The following SP100 variants were observed in gnomAD, a reference collection of about 807,000 sequenced individuals.
The protein encoded by SP100 is SP100 nuclear body protein, also known as nuclear autoantigen Sp-100.
In SP100, 84 loss-of-function variants were observed where a neutral mutation model predicts 130.0. The observed-to-expected ratio is 0.65, with a 90% CI of 0.54 to 0.77. The LOEUF is 0.77. SP100 is among the 30% of genes least tolerant of loss of function. The probability of loss-of-function intolerance (pLI) is 0.00; values close to 1 mark genes in which losing one functional copy is unlikely to be tolerated. For missense variants in SP100, 978 were observed against 1,052.2 expected, an observed-to-expected ratio of 0.93 and a Z score of 0.97; for synonymous variants, 331 against 351.7, an observed-to-expected ratio of 0.94 and a Z score of 0.66.
chr2:230,509,039 T>TGA (rs1240581908), intron 23 of SP100: 1 of 152,356 alleles, frequency 6.6e-6, no homozygotes, highest in East Asian at 1.9e-4. Flanking sequence ...GTGAGGCTGC[T>TGA]GACCTAGAAA....
intron 5 of SP100, among the ~76,000 whole-genome samples, chr2:230,447,284 G>C (rs531295701): frequency 3.3e-5 from 5 of 152,166 alleles, no homozygotes; most frequent in Admixed American, 3.3e-4. Context: ...TGTTTTACCT[G>C]TACTGTCATA....
Position 230,542,848 on chromosome 2 carries a change from A to G in SP100, c.2560A>G (p.Thr854Ala). ...HKEFYREDKF[T>A]RLGIQVQDIF... ...TTTGCTTTTTTAGGAAGATAAATTC[A>G]CCAGACTGGGAATTCAAGTACAGGA... Residue 854 changes from threonine (T) to alanine (A), a missense_variant, in exon 29 of 29, where the codon ACC becomes GCC. Thr to Ala is a moderately conservative substitution (Grantham distance 58). Transcript: ENST00000340126. 6.2e-7 allele frequency: 1 copy of G among 1,606,130 alleles called. No individual in the cohort carries two copies. The highest frequency in any genetic ancestry group is 8.5e-7 in the Non-Finnish European group (1 of 1,173,032).
intron 22 of SP100, chr2:230,506,964 C>A (rs78523675): frequency 9.0e-4 from 137 of 152,418 alleles, no homozygotes; most frequent in Non-Finnish European, 1.6e-3. Context: ...TCATATGAAC[C>A]CCTTGATGTT....
At position 230,542,730 on chromosome 2, in the gene SP100, A is replaced by G. The variant is rs796325952; in HGVS notation, c.2548-106A>G. The G allele has an allele frequency of 1.3e-5, 8 of 611,790 alleles. No individual in the cohort carries two copies. The African/African-American group carries it at 1.3e-4, about 10-fold the overall frequency. The allele number at this position is 611,790 out of a possible 1,614,324, so 37.9% of individuals were successfully genotyped here. A position where few individuals can be genotyped will look rare whatever the true frequency, so the allele number is the denominator to read the frequency against. Reference sequence around the variant, plus strand: ...AAGCAACTCAAGTAGATTAATTCTCACTTAACATTTGGGATAACCTAAAAT... The same window carrying G: ...AAGCAACTCAAGTAGATTAATTCTCGCTTAACATTTGGGATAACCTAAAAT... On this transcript the variant is annotated intron_variant, in intron 28 of 28. Coordinates refer to ENST00000340126, the MANE Select transcript of SP100 (RefSeq NM_001080391.2).
chr2:230,515,353 C>T, intron 24 of SP100: 1 of 1,613,760 alleles, frequency 6.2e-7, no homozygotes, highest in Non-Finnish European at 8.5e-7. Context: ...TGAGTATCGC[C>T]CAAAAATCAA....
chr2:230,419,168 C>T (rs976702069), intron 2 of SP100, among the ~76,000 whole-genome samples: 1 of 152,122 alleles, frequency 6.6e-6, no homozygotes, highest in South Asian at 2.1e-4. Flanking sequence ...CTAAAGTAGT[C>T]CTCCCTTATC....
chr2:230,436,950 G>A (rs2063306242), intron 2 of SP100, among the ~76,000 whole-genome samples: 1 of 134,102 alleles, frequency 7.5e-6, no homozygotes, highest in Admixed American at 7.1e-5. Context: ...ACGCATATAT[G>A]TGTATACACA....
At chr2:230,442,840 T>C in intron 2 of SP100, 97 bp from the exon 3 acceptor site, 1 of 1,053,186 alleles carries the variant, frequency 9.5e-7, no homozygotes, top group South Asian at 1.4e-5. Context: ...TATATGTTCA[T>C]TCTTTGTAGC....
chr2:230,441,016 G>A (rs1390856232), intron 2 of SP100, among the ~76,000 whole-genome samples: 1 of 152,016 alleles, frequency 6.6e-6, no homozygotes, highest in African/African-American at 2.4e-5. Flanking sequence ...CAAAAGACAT[G>A]ATTAAGAAAA....
intron 2 of SP100, among the ~76,000 whole-genome samples, chr2:230,439,758 A>G (rs2149894934): frequency 6.6e-6 from 1 of 152,186 alleles, no homozygotes; most frequent in African/African-American, 2.4e-5. Flanking sequence ...TAATCATATC[A>G]TTGGTGAACA....
chr2:230,477,947 AC>A lies in SP100; in HGVS notation c.1600+3501del, dbSNP rs200536498. Among the ~76,000 whole-genome samples, 11 of 151,166 alleles carry A rather than the reference AC, an allele frequency of 7.3e-5. 1 individual carries two copies. The highest frequency in any genetic ancestry group is 3.3e-4 in the Admixed American group (5 of 15,172). ...AAGACCCTGTCTCAAAACAAAACAA[AC>A]AAAAAAAAAAGCATTGAATTTGAAG... On this transcript the variant is annotated intron_variant, in intron 17 of 28. Transcript: ENST00000340126.
At chr2:230,521,573 G>A (rs1453753840) in intron 24 of SP100, among the ~76,000 whole-genome samples, 1 of 152,176 alleles carries the variant, frequency 6.6e-6, no homozygotes, top group Non-Finnish European at 1.5e-5. Flanking sequence ...CTCCTTGGCT[G>A]CAGCACCTGA....
chr2:230,456,580 G>A (rs1184554118), intron 8 of SP100, among the ~76,000 whole-genome samples: 1 of 152,024 alleles, frequency 6.6e-6, no homozygotes, highest in Non-Finnish European at 1.5e-5. Flanking sequence ...CATAAATCCT[G>A]TAAGCTTTCT....
intron 23 of SP100, chr2:230,509,064 GGA>G (rs1690382566): frequency 6.6e-6 from 1 of 152,160 alleles, no homozygotes; most frequent in South Asian, 2.1e-4. Flanking sequence ...TTTCCTTTGT[GGA>G]GAGGCCCTTT....
rs1293003744 is a variant in SP100, at chr2:230,416,420, T to C, written c.32+92T>C. 7.4e-6 allele frequency: 8 copies of C among 1,084,392 alleles called. No homozygotes were observed. In the Admixed American group the frequency reaches 1.8e-4, roughly 24 times the overall value. The allele number at this position is 1,084,392 out of a possible 1,614,324, so 67.2% of individuals were successfully genotyped here. A position where few individuals can be genotyped will look rare whatever the true frequency, so the allele number is the denominator to read the frequency against. On this transcript the variant is annotated intron_variant, in intron 1 of 28. Transcript: ENST00000340126. The stretch of plus-strand genomic sequence containing the variant: ...TCAGTTTGTGCCTAAGGCTTCACTT[T>C]AATCCTTCTTTGCAAGAACATAGGT...
intron 17 of SP100, among the ~76,000 whole-genome samples, chr2:230,491,981 A>G (rs2066415274): frequency 6.6e-6 from 1 of 152,024 alleles, no homozygotes; most frequent in African/African-American, 2.4e-5. Flanking sequence ...CAATTTAAAG[A>G]AGGTTTGCTT....
intron 25 of SP100, among the ~76,000 whole-genome samples, chr2:230,540,015 G>T (rs77467886): frequency 6.6e-6 from 1 of 152,186 alleles, no homozygotes; most frequent in East Asian, 1.9e-4. Context: ...CTTCCATAAT[G>T]GAGGAGGCTA....
chr2:230,508,150 T>C (rs1575774413), intron 23 of SP100, 119 bp downstream of exon 23: 10 of 1,501,148 alleles, frequency 6.7e-6, no homozygotes, highest in Non-Finnish European at 8.0e-6. Context: ...TATAATATGA[T>C]GCTTTTGCAG....
intron 2 of SP100, among the ~76,000 whole-genome samples, chr2:230,419,726 C>T (rs1469912559): frequency 6.6e-6 from 1 of 152,014 alleles, no homozygotes; most frequent in Non-Finnish European, 1.5e-5. Flanking sequence ...TTTATTGTGC[C>T]TAATTTATGT....
Sources: allele counts gnomAD v4.1 joint callset (sites outside exome capture counted in the v4.1 genomes callset), GRCh38; gene constraint gnomAD v4.1.1; transcripts MANE v1.5; gene names NCBI Gene and HGNC (gene_info 2026-07-23, HGNC 2026-07-21).